DLG2: variants seen among roughly 807,000 people sequenced by gnomAD.
DLG2 encodes the protein discs large MAGUK scaffold protein 2, also known as disks large homolog 2.
A neutral mutation model predicts 132.5 loss-of-function variants in DLG2; 45 were observed. That is an observed-to-expected ratio of 0.34 (90% confidence interval 0.27 to 0.44). DLG2 has a LOEUF of 0.44. Ranked by LOEUF, DLG2 falls within the 20% of genes least tolerant of loss-of-function variation. The pLI, the probability that DLG2 is intolerant of heterozygous loss-of-function variation, is 1.00. For missense variants in DLG2, 1,045 were observed against 1,196.9 expected (o/e 0.87, Z 1.87); for synonymous variants, 424 against 419.6 (o/e 1.01, Z -0.13).
At chr11:84,269,383 C>A (rs548819398) in intron 7 of DLG2, among the ~76,000 whole-genome samples, 6 of 152,348 alleles carry the variant, frequency 3.9e-5, no homozygotes, top group African/African-American at 1.4e-4. Flanking sequence ...TCTGTTTCCT[C>A]CACTTGGAAT....
chr11:85,036,269 A>T (rs929370715), intron 6 of DLG2, among the ~76,000 whole-genome samples: 1 of 152,028 alleles, frequency 6.6e-6, no homozygotes, highest in African/African-American at 2.4e-5. Context: ...AGCACTTCAG[A>T]TCTCTCCCTC....
chr11:84,610,481 C>T lies in DLG2; in HGVS notation c.358-75750G>A, dbSNP rs548997588. Reference sequence around the variant, plus strand: ...AAAGGTTCCAGATAGTGACCTAAACCAGAATTATCTTGGAAGAGAAGTCAG... The same window carrying T: ...AAAGGTTCCAGATAGTGACCTAAACTAGAATTATCTTGGAAGAGAAGTCAG... On this transcript the variant is annotated intron_variant, in intron 6 of 27. Coordinates refer to ENST00000376104, the MANE Select transcript of DLG2 (RefSeq NM_001142699.3). 9.9e-5 allele frequency among the ~76,000 whole-genome samples: 15 copies of T among 152,066 alleles called. No individual in the cohort carries two copies. In the South Asian group the frequency reaches 2.9e-3, roughly 29 times the overall value.
intron 18 of DLG2, among the ~76,000 whole-genome samples, chr11:83,669,804 A>T (rs191368094): frequency 1.5e-3 from 236 of 152,376 alleles, no homozygotes; most frequent in South Asian, 2.5e-3. Flanking sequence ...TGCTAAACAT[A>T]AAGTAAGCAC....
chr11:84,502,105 TCTC>T (rs2099208370), intron 7 of DLG2, among the ~76,000 whole-genome samples: 1 of 136,438 alleles, frequency 7.3e-6, no homozygotes, highest in Non-Finnish European at 1.6e-5. Flanking sequence ...TCTTTCTCAC[TCTC>T]TCTGTCTTTC....
chr11:84,470,983 T>TCTTATACACTGTGCTGA (rs2099106973), intron 7 of DLG2, among the ~76,000 whole-genome samples: 1 of 151,774 alleles, frequency 6.6e-6, no homozygotes, highest in Non-Finnish European at 1.5e-5. Context: ...TCCCTATTTT[T>TCTTATACACTGTGCTGA]CTTATACACT....
intron 18 of DLG2, among the ~76,000 whole-genome samples, chr11:83,753,903 T>TA (rs2093531835): frequency 1.6e-5 from 2 of 128,114 alleles, no homozygotes; most frequent in African/African-American, 6.5e-5. Flanking sequence ...CATATATATA[T>TA]TTCATATATA....
chr11:83,551,730 G>A (rs2096395508), intron 19 of DLG2, among the ~76,000 whole-genome samples: 1 of 152,166 alleles, frequency 6.6e-6, no homozygotes, highest in Non-Finnish European at 1.5e-5. Context: ...ACTAGAGATA[G>A]AGAGGACATA....
At chr11:85,356,825 TAGAG>T (rs929620012) in intron 3 of DLG2, among the ~76,000 whole-genome samples, 8 of 125,944 alleles carry the variant, frequency 6.4e-5, no homozygotes, top group Admixed American at 5.8e-4. Flanking sequence ...GATAGATAGA[TAGAG>T]ATGATAGACA....
At chr11:83,867,673 T>C (rs1016789513) in intron 16 of DLG2, among the ~76,000 whole-genome samples, 1 of 152,206 alleles carries the variant, frequency 6.6e-6, no homozygotes, top group Non-Finnish European at 1.5e-5. Context: ...CTGTCTGTTC[T>C]AAACAAGAAT....
intron 18 of DLG2, among the ~76,000 whole-genome samples, chr11:83,642,988 T>C (rs2067020597): frequency 6.6e-6 from 1 of 152,002 alleles, no homozygotes; most frequent in Admixed American, 6.6e-5. Context: ...AAAAAAACCG[T>C]GAAGCTCTCC....
chr11:84,601,711 A>G lies in DLG2; in HGVS notation c.358-66980T>C, dbSNP rs151246453. Among the ~76,000 whole-genome samples the G allele has an allele frequency of 3.1e-3, 469 of 152,272 alleles. 4 individuals carry two copies. The highest frequency in any genetic ancestry group is 0.011 in the African/African-American group (461 of 41,580). ...AAAGAAAATATGCCTACATTTTGAC[A>G]ATGTTTATGTAAGTAAATTTAAAAA... On this transcript the variant is annotated intron_variant, in intron 6 of 27. Transcript: ENST00000376104.
intron 8 of DLG2, among the ~76,000 whole-genome samples, chr11:84,180,910 T>C (rs1012642912): frequency 6.6e-6 from 1 of 151,744 alleles, no homozygotes; most frequent in Non-Finnish European, 1.5e-5. Context: ...TTGAGAGAAA[T>C]ATTGCAGTAA....
chr11:84,554,995 A>G (rs1025254210), intron 6 of DLG2, among the ~76,000 whole-genome samples: 3 of 152,086 alleles, frequency 2.0e-5, no homozygotes, highest in African/African-American at 7.2e-5. Context: ...AGGAATTGAC[A>G]CGGCTTTCTG....
intron 3 of DLG2, among the ~76,000 whole-genome samples, chr11:85,298,006 C>A (rs2079349968): frequency 6.6e-6 from 1 of 152,092 alleles, no homozygotes; most frequent in Admixed American, 6.6e-5. Context: ...GTGCTTTGTC[C>A]TAGCTAAGTA....
At chr11:85,369,787 CT>C (rs1442841399) in intron 3 of DLG2, among the ~76,000 whole-genome samples, 2 of 152,154 alleles carry the variant, frequency 1.3e-5, no homozygotes. Context: ...ACTGGGTTTT[CT>C]TCTGCCTGTC....
At chr11:84,726,736 T>A (rs1466708642) in intron 6 of DLG2, among the ~76,000 whole-genome samples, 1 of 152,218 alleles carries the variant, frequency 6.6e-6, no homozygotes, top group Non-Finnish European at 1.5e-5. Context: ...ACCAACAGTG[T>A]AAAAGTCTCC....
chr11:85,553,361 T>C (rs1228969836), intron 3 of DLG2, among the ~76,000 whole-genome samples: 1 of 151,618 alleles, frequency 6.6e-6, no homozygotes, highest in East Asian at 1.9e-4. Flanking sequence ...CCTAACTTCA[T>C]TAAGCTTACA....
chr11:83,839,484 G>C (rs1249491043), intron 16 of DLG2, among the ~76,000 whole-genome samples: 1 of 152,090 alleles, frequency 6.6e-6, no homozygotes, highest in Non-Finnish European at 1.5e-5. Context: ...GCCCTTTAAA[G>C]TATTACAAGT....
At chr11:85,218,383 C>T (rs2082757638) in intron 4 of DLG2, among the ~76,000 whole-genome samples, 1 of 152,070 alleles carries the variant, frequency 6.6e-6, no homozygotes, top group African/African-American at 2.4e-5. Flanking sequence ...AAGCAAATAA[C>T]TCCATTAGAC....
Sources: gnomAD v4.1 joint callset for allele counts (sites outside exome capture counted in the v4.1 genomes callset) on GRCh38, gnomAD v4.1.1 for gene constraint, MANE v1.5 for transcripts, NCBI Gene and HGNC (gene_info 2026-07-23, HGNC 2026-07-21) for gene names.